CAST: variants seen among roughly 807,000 people sequenced by gnomAD.
The protein encoded by CAST is MIR583 host.
In CAST, 76 loss-of-function variants were observed where a neutral mutation model predicts 119.6. That is an observed-to-expected ratio of 0.64 (90% CI 0.53 to 0.77). The LOEUF (loss-of-function observed/expected upper bound fraction) is 0.77. Ranked by LOEUF, CAST falls within the 30% of genes least tolerant of loss-of-function variation. The probability of loss-of-function intolerance (pLI) is 0.00; values close to 1 mark genes in which losing one functional copy is unlikely to be tolerated. For missense variants in CAST, 953 were observed against 946.5 expected, an observed-to-expected ratio of 1.01 and a Z score of -0.09; for synonymous variants, 319 against 331.6, an observed-to-expected ratio of 0.96 and a Z score of 0.41.
chr5:96,256,194 C>CATATTATATATAAACTTACACAT, the CAST span, among the ~76,000 whole-genome samples: 7 of 147,986 alleles, frequency 4.7e-5, 1 homozygote, highest in South Asian at 1.5e-3. Context: ...GTATATATTA[C>CATATTATATATAAACTTACACAT]ATATTATATA....
the CAST span, among the ~76,000 whole-genome samples, chr5:95,996,832 T>A: frequency 1.3e-5 from 2 of 152,146 alleles, no homozygotes; most frequent in African/African-American, 4.8e-5. Context: ...CACACTTTTA[T>A]AAACACAGGA....
At chr5:96,619,531 A>T (rs540290202) in intron 1 of CAST, among the ~76,000 whole-genome samples, 3 of 152,220 alleles carry the variant, frequency 2.0e-5, no homozygotes, top group African/African-American at 7.2e-5. Context: ...CCTCTTCCAC[A>T]GTGTGGTAGC....
chr5:96,764,742 A>G (rs1383703190), intron 25 of CAST, among the ~76,000 whole-genome samples: 1 of 152,176 alleles, frequency 6.6e-6, no homozygotes, highest in African/African-American at 2.4e-5. Flanking sequence ...AACCAAAGAA[A>G]CACTTACCCT....
intron 1 of CAST, among the ~76,000 whole-genome samples, chr5:96,656,616 T>G (rs968578674): frequency 1.3e-5 from 2 of 152,166 alleles, no homozygotes; most frequent in Non-Finnish European, 2.9e-5. Flanking sequence ...TTCATCTTAA[T>G]TTCATTACTC....
the CAST span, among the ~76,000 whole-genome samples, chr5:96,507,956 T>C: frequency 6.6e-6 from 1 of 151,474 alleles, no homozygotes; most frequent in Non-Finnish European, 1.5e-5. Flanking sequence ...TTGAATAACA[T>C]TGGATTGTGC....
chr5:96,190,197 T>C, the CAST span, among the ~76,000 whole-genome samples: 1 of 152,186 alleles, frequency 6.6e-6, no homozygotes, highest in Non-Finnish European at 1.5e-5. Flanking sequence ...ACTAGGCCTG[T>C]CTCTAGTAGC....
At chr5:96,456,909 C>G in the CAST span, among the ~76,000 whole-genome samples, 1 of 152,158 alleles carries the variant, frequency 6.6e-6, no homozygotes, top group Non-Finnish European at 1.5e-5. Context: ...GCCCCTTTTG[C>G]TTGGCATTTC....
chr5:96,327,905 G>C, the CAST span, among the ~76,000 whole-genome samples: 2 of 152,156 alleles, frequency 1.3e-5, no homozygotes, highest in Non-Finnish European at 2.9e-5. Flanking sequence ...ATTTGGAAGT[G>C]CCTTACAATT....
intron 1 of CAST, among the ~76,000 whole-genome samples, chr5:96,599,947 G>A (rs1580840682): frequency 8.5e-6 from 1 of 117,926 alleles, no homozygotes; most frequent in Non-Finnish European, 1.7e-5. Flanking sequence ...AAAATATCCT[G>A]TATTATTGCT....
the CAST span, among the ~76,000 whole-genome samples, chr5:96,351,984 T>C: frequency 1.1e-4 from 16 of 152,260 alleles, no homozygotes; most frequent in Admixed American, 1.0e-3. Flanking sequence ...TTTTTGTGAC[T>C]CCTTGTCTGG....
the CAST span, among the ~76,000 whole-genome samples, chr5:96,379,305 G>A: frequency 2.0e-5 from 3 of 152,108 alleles, no homozygotes; most frequent in Admixed American, 2.0e-4. Flanking sequence ...GTTAATTTTG[G>A]CCCTCATCTA....
chr5:96,439,820 A>G, the CAST span, among the ~76,000 whole-genome samples: 1 of 152,198 alleles, frequency 6.6e-6, no homozygotes, highest in Non-Finnish European at 1.5e-5. Context: ...GTTTAAAATA[A>G]TATAATCCTT....
chr5:96,185,118 A>T, the CAST span, among the ~76,000 whole-genome samples: 1 of 152,048 alleles, frequency 6.6e-6, no homozygotes, highest in Non-Finnish European at 1.5e-5. Flanking sequence ...AGCTTTTTCC[A>T]TATTATTATT....
At chr5:96,532,128 G>C (rs1301944737) in intron 1 of CAST, among the ~76,000 whole-genome samples, 2 of 151,652 alleles carry the variant, frequency 1.3e-5, no homozygotes, top group Non-Finnish European at 2.9e-5. Flanking sequence ...AAAACCAAAG[G>C]ATATTTCCAA....
the CAST span, among the ~76,000 whole-genome samples, chr5:96,004,681 G>T: frequency 6.6e-6 from 1 of 152,226 alleles, no homozygotes. Context: ...TGATGATTGG[G>T]TTTACTATAC....
intron 1 of CAST, among the ~76,000 whole-genome samples, chr5:96,572,682 A>C (rs1746592612): frequency 6.6e-6 from 1 of 152,132 alleles, no homozygotes; most frequent in Non-Finnish European, 1.5e-5. Context: ...TCCCAATTAC[A>C]TCTGACTTGG....
the CAST span, among the ~76,000 whole-genome samples, chr5:96,265,412 C>T: frequency 4.6e-5 from 7 of 151,836 alleles, no homozygotes; most frequent in Non-Finnish European, 2.9e-5. Flanking sequence ...TAAGTCATTC[C>T]AAGTCCAAAA....
At chr5:96,206,172 ATTG>A in the CAST span, among the ~76,000 whole-genome samples, 1 of 150,736 alleles carries the variant, frequency 6.6e-6, no homozygotes, top group Non-Finnish European at 1.5e-5. Flanking sequence ...TTGTTTTTAG[ATTG>A]TTAAGTACCT....
chr5:96,562,547 C>T (rs1296413000), intron 1 of CAST, among the ~76,000 whole-genome samples: 1 of 152,148 alleles, frequency 6.6e-6, no homozygotes, highest in East Asian at 1.9e-4. Context: ...CAAAATGATA[C>T]AATCTTAATC....
Sources: gnomAD v4.1 joint callset for allele counts (sites outside exome capture counted in the v4.1 genomes callset) on GRCh38, gnomAD v4.1.1 for gene constraint, MANE v1.5 for transcripts, NCBI Gene and HGNC (gene_info 2026-07-23, HGNC 2026-07-21) for gene names.